The following BICDL1 variants were observed in gnomAD, a reference collection of about 807,000 sequenced individuals.
BICDL1 encodes the protein BICD family like cargo adaptor 1, also known as BICD family-like cargo adapter 1.
Under a neutral mutation model 76.8 loss-of-function variants are expected in BICDL1, and 20 were observed. The observed-to-expected ratio is 0.26, with a 90% CI of 0.18 to 0.38. The LOEUF (loss-of-function observed/expected upper bound fraction) is 0.38. BICDL1 is among the 10% of genes least tolerant of loss of function. BICDL1 has a pLI of 1.00. For missense variants in BICDL1, 700 were observed against 798.6 expected, an observed-to-expected ratio of 0.88 and a Z score of 1.49; for synonymous variants, 383 against 337.1, an observed-to-expected ratio of 1.14 and a Z score of -1.49.
chr12:120,005,217 A>G (rs535000637), intron 2 of BICDL1, among the ~76,000 whole-genome samples: 1 of 152,338 alleles, frequency 6.6e-6, no homozygotes, highest in Admixed American at 6.5e-5. Context: ...CAATAGAGAA[A>G]TGTTCAGTAC....
chr12:120,032,457 G>A (rs939649574), intron 2 of BICDL1, among the ~76,000 whole-genome samples: 1 of 152,204 alleles, frequency 6.6e-6, no homozygotes, highest in Non-Finnish European at 1.5e-5. Context: ...AAGACCAGAT[G>A]ATAAATTAAT....
At chr12:120,014,695 A>C (rs7307905) in intron 2 of BICDL1, among the ~76,000 whole-genome samples, 13,034 of 151,830 alleles carry the variant, frequency 0.086, 681 homozygotes, top group African/African-American at 0.14. Context: ...ATCTCAAAAA[A>C]AAAAAAAAGC....
Position 119,989,942 on chromosome 12 carries a change from A to T in BICDL1, c.74A>T (p.Glu25Val). 1 of 1,468,528 alleles carries T rather than the reference A, an allele frequency of 6.8e-7. No homozygotes were observed. The highest frequency in any genetic ancestry group is 8.9e-7 in the Non-Finnish European group (1 of 1,124,568). 91.0% of individuals were successfully genotyped at this position (1,468,528 alleles called of 1,614,324 possible). A position where few individuals can be genotyped will look rare whatever the true frequency, so the allele number is the denominator to read the frequency against. ...GAGCCGGACAGCGCCTGCTGCATGGAGCTGCCCGCCGCGGCCGGGGACGCA... is the reference window on the plus strand; with the variant it reads ...GAGCCGGACAGCGCCTGCTGCATGGTGCTGCCCGCCGCGGCCGGGGACGCA... ...PAEPDSACCM[E>V]LPAAAGDAVR... The change falls in exon 1 of 10, where the codon GAG (glutamate) becomes GTG (valine). Residue 25 changes from glutamate (E) to valine (V), a missense_variant. By Grantham distance (121) the Glu-to-Val change is moderately radical. Around this residue, in one of 3 missense-constraint regions of BICDL1, gnomAD observed 225 missense variants for 199.6 expected, o/e 1.13. Coordinates refer to ENST00000548673, the MANE Select transcript of BICDL1 (RefSeq NM_001367886.1).
intron 2 of BICDL1, among the ~76,000 whole-genome samples, chr12:120,018,185 C>T (rs1952105389): frequency 6.6e-6 from 1 of 152,196 alleles, no homozygotes; most frequent in South Asian, 2.1e-4. Flanking sequence ...TTTGACTTAA[C>T]TGCTCTGGGA....
At chr12:120,092,745 C>T (rs915050523) in intron 9 of BICDL1, 24 of 985,304 alleles carry the variant, frequency 2.4e-5, no homozygotes, top group African/African-American at 3.5e-5. Flanking sequence ...AGGACTGTGG[C>T]GGCCCAGCAG....
intron 2 of BICDL1, among the ~76,000 whole-genome samples, chr12:120,028,732 G>A (rs1952359973): frequency 6.6e-6 from 1 of 152,064 alleles, no homozygotes; most frequent in South Asian, 2.1e-4. Context: ...AAATAGCTGA[G>A]TGTGTTGTTG....
chr12:120,045,685 C>T (rs370003073), intron 2 of BICDL1, among the ~76,000 whole-genome samples: 8,169 of 149,158 alleles, frequency 0.055, 430 homozygotes, highest in African/African-American at 0.14. Context: ...AACCAGACAC[C>T]GCATATTCTC....
In BICDL1 at chr12:120,084,855, A is replaced by C. The variant is rs1594215928; in HGVS notation, c.1583+3838A>C. On this transcript the variant is annotated intron_variant, in intron 8 of 9. Coordinates refer to ENST00000548673, the MANE Select transcript of BICDL1 (RefSeq NM_001367886.1). Reference sequence around the variant, plus strand: ...TAGTGAGCTGAGATCACGCCATTGCACTCCAGCCTGGGCAACAGAACGGGG... The same window carrying C: ...TAGTGAGCTGAGATCACGCCATTGCCCTCCAGCCTGGGCAACAGAACGGGG... Among the ~76,000 whole-genome samples the C allele has an allele frequency of 1.3e-5, 2 of 150,064 alleles. 1 individual carries two copies. Among genetic ancestry groups the C allele is most frequent in the South Asian group, 4.2e-4 (2 of 4,770 alleles).
chr12:120,042,970 C>CT lies in BICDL1; in HGVS notation c.646-18738dup, dbSNP rs1952673832. Among the ~76,000 whole-genome samples, 7 of 152,178 alleles carry CT rather than the reference C, an allele frequency of 4.6e-5. No homozygotes were observed. The South Asian group carries it at 1.5e-3, about 32-fold the overall frequency. On this transcript the variant is annotated intron_variant, in intron 2 of 9. Coordinates refer to ENST00000548673, the MANE Select transcript of BICDL1 (RefSeq NM_001367886.1). ...GGTGGACACAAGGGGTGTGTTTTCC[C>CT]TTGGGTGTGGTGGTGTAGTAGCACT...
At position 120,093,682 on chromosome 12, in the gene BICDL1, C is replaced by T. The variant is rs1268689683; in HGVS notation, c.*521C>T. On this transcript the variant is annotated 3_prime_UTR_variant, in exon 10 of 10. Transcript: ENST00000548673. Reference sequence around the variant, plus strand: ...AGGGTCAAAGGAGAGATGGCAGCCCCTCCCCCGCATGCATGCACCTCAGCT... The same window carrying T: ...AGGGTCAAAGGAGAGATGGCAGCCCTTCCCCCGCATGCATGCACCTCAGCT... 5.8e-6 allele frequency: 1 copy of T among 171,378 alleles called. No individual in the cohort carries two copies. The highest frequency in any genetic ancestry group is 1.3e-5 in the Non-Finnish European group (1 of 78,678). The allele number at this position is 171,378 out of a possible 1,614,324, so 10.6% of individuals were successfully genotyped here. A position where few individuals can be genotyped will look rare whatever the true frequency, so the allele number is the denominator to read the frequency against.
chr12:120,021,469 C>A (rs1365193812), intron 2 of BICDL1, among the ~76,000 whole-genome samples: 1 of 151,288 alleles, frequency 6.6e-6, no homozygotes, highest in African/African-American at 2.4e-5. Context: ...CGCCTGTAGT[C>A]CCAGCTGCTA....
chr12:120,047,771 C>A (rs1395836117), intron 2 of BICDL1, among the ~76,000 whole-genome samples: 1 of 151,982 alleles, frequency 6.6e-6, no homozygotes, highest in Non-Finnish European at 1.5e-5. Flanking sequence ...GTTTATTCTT[C>A]CCTTAAGATA....
intron 2 of BICDL1, among the ~76,000 whole-genome samples, chr12:120,014,561 G>A (rs555640829): frequency 2.1e-4 from 32 of 152,026 alleles, no homozygotes; most frequent in African/African-American, 6.0e-4. Context: ...GTGTGGTGGC[G>A]CGTGCCTTTC....
At chr12:120,025,072 G>A (rs1476508819) in intron 2 of BICDL1, among the ~76,000 whole-genome samples, 6 of 139,136 alleles carry the variant, frequency 4.3e-5, no homozygotes, top group Admixed American at 1.5e-4. Context: ...TTTTTGAGAC[G>A]GAGGAGTCTT....
intron 8 of BICDL1, among the ~76,000 whole-genome samples, chr12:120,082,454 A>G (rs1594212925): frequency 6.6e-6 from 1 of 151,990 alleles, no homozygotes; most frequent in Non-Finnish European, 1.5e-5. Flanking sequence ...GGGTTTTGCC[A>G]TGTTGCTAGG....
intron 9 of BICDL1, chr12:120,091,526 G>A: frequency 3.1e-6 from 3 of 960,572 alleles, no homozygotes; most frequent in Non-Finnish European, 3.7e-6. Context: ...GAGGGACCGT[G>A]TGTTGGCAAA....
chr12:120,056,907 C>T (rs1952986393), intron 2 of BICDL1: 2 of 328,150 alleles, frequency 6.1e-6, no homozygotes, highest in South Asian at 2.4e-5. Flanking sequence ...TCCTCCCAGC[C>T]GACCGCCTGC....
At chr12:120,019,231 A>G (rs79319065) in intron 2 of BICDL1, 20,179 of 151,938 alleles carry the variant, frequency 0.13, 1,670 homozygotes, top group East Asian at 0.4. Context: ...ACTGCACTCC[A>G]ACCTGGGCAT....
intron 7 of BICDL1, among the ~76,000 whole-genome samples, chr12:120,076,632 G>C (rs532079059): frequency 8.5e-5 from 13 of 152,270 alleles, no homozygotes; most frequent in African/African-American, 2.9e-4. Context: ...TCTTTCAAAT[G>C]GTTCACCAAG....
Sources: allele counts gnomAD v4.1 joint callset (sites outside exome capture counted in the v4.1 genomes callset), GRCh38; gene constraint gnomAD v4.1.1; regional missense constraint gnomAD v4.1.1; transcripts MANE v1.5; gene names NCBI Gene and HGNC (gene_info 2026-07-23, HGNC 2026-07-21).